The following RTL9 variants were observed in gnomAD, a reference collection of about 807,000 sequenced individuals.
RTL9 encodes the protein retrotransposon Gag-like protein 9.
RTL9 carries 19 observed loss-of-function variants against 44.7 expected under a neutral mutation model. The ratio of observed to expected loss-of-function variants is 0.42; its 90% CI spans 0.30 to 0.62. The LOEUF is 0.62. RTL9 is among the 20% of genes least tolerant of loss of function. RTL9 has a pLI of 0.16. For synonymous variants in RTL9, 407 were observed against 398.9 expected (o/e 1.02, Z -0.24); for missense variants, 1,105 against 1,080.6 (o/e 1.02, Z -0.32).
At chrX:110,408,077 C>T (rs2068615327) in intron 1 of RTL9, among the ~76,000 whole-genome samples, 1 of 112,666 alleles carries the variant, frequency 8.9e-6, no homozygotes, top group South Asian at 3.7e-4. Context: ...GTGGGGCACC[C>T]AAAGAGAGTG....
At chrX:110,417,858 C>T (rs1163689102), upstream of RTL9, among the ~76,000 whole-genome samples, 1 of 112,453 alleles carries the variant, frequency 8.9e-6, no homozygotes, top group Non-Finnish European at 1.9e-5. Context: ...GAAGAGAAAA[C>T]GGAGGTAGCC....
intron 1 of RTL9, among the ~76,000 whole-genome samples, chrX:110,405,639 G>A (rs1158705335): frequency 8.9e-6 from 1 of 111,860 alleles, no homozygotes; most frequent in East Asian, 2.8e-4. Flanking sequence ...CATTAACTGT[G>A]TGGTAGGCTC....
intron 1 of RTL9, among the ~76,000 whole-genome samples, chrX:110,391,047 C>G (rs2068490708): frequency 8.9e-6 from 1 of 111,833 alleles, no homozygotes; most frequent in South Asian, 3.8e-4. Context: ...AGCTCTTTCT[C>G]TTTGCCTGTT....
exon 1 of RTL9, chrX:110,452,480 C>T: frequency 8.3e-7 from 1 of 1,211,710 alleles, no homozygotes; most frequent in South Asian, 1.8e-5. Context: ...TAATGACACC[C>T]AAAGCCTCAG....
rs771997154 is a variant in RTL9, at chrX:110,453,951, A to G, written c.3334A>G (p.Ile1112Val). Residue 1112 changes from isoleucine to valine, a missense_variant, in exon 1 of 2, where the codon ATC (isoleucine) becomes GTC (valine). By Grantham distance (29) the Ile-to-Val change is conservative. Transcript: ENST00000540313. ...AGAGGCATCCACCTCTCACATTAAC[A>G]TCACAGCCTCTGGATCAAAGCCCAC... is the stretch of plus-strand genomic sequence containing the variant. 5.8e-6 allele frequency: 7 copies of G among 1,211,618 alleles called. 1 individual carries two copies. Among genetic ancestry groups the G allele is most frequent in the Non-Finnish European group, 7.8e-6 (7 of 895,474 alleles).
rs768862278 is a variant in RTL9 at position 110,453,646 on chromosome X, T to C, written c.3029T>C (p.Val1010Ala). The C allele has an allele frequency of 4.1e-6, 5 of 1,210,519 alleles. No homozygotes were observed. The African/African-American group carries it at 8.7e-5, about 21-fold the overall frequency. ...TCCTTGTCACAAACAACATATACCG[T>C]GTCTGGAAGGATGGCCACAGCGCCA... is the stretch of plus-strand genomic sequence containing the variant. Residue 1010 changes from valine to alanine, a missense_variant, in exon 1 of 2, where the codon GTG becomes GCG. Transcript: ENST00000540313.
chrX:110,416,335 T>C (rs756870137), upstream of RTL9, among the ~76,000 whole-genome samples: 3 of 112,308 alleles, frequency 2.7e-5, no homozygotes, highest in African/African-American at 9.7e-5. Flanking sequence ...TTATTTTGAT[T>C]TAACGAACCG....
At chrX:110,361,955 C>A (rs973624445) in intron 1 of RTL9, among the ~76,000 whole-genome samples, 1 of 111,589 alleles carries the variant, frequency 9.0e-6, no homozygotes, top group African/African-American at 3.3e-5. Context: ...AAACAGGGAG[C>A]GGGCTAGATT....
At chrX:110,369,638 C>A (rs1004592257) in intron 1 of RTL9, among the ~76,000 whole-genome samples, 1 of 111,492 alleles carries the variant, frequency 9.0e-6, no homozygotes, top group Admixed American at 9.5e-5. Flanking sequence ...TCTCCCTCTG[C>A]CCCCAGCCAC....
intron 1 of RTL9, among the ~76,000 whole-genome samples, chrX:110,365,343 C>T (rs1182192381): frequency 8.9e-6 from 1 of 112,159 alleles, no homozygotes; most frequent in East Asian, 2.8e-4. Flanking sequence ...TGAAATCAGG[C>T]TTCCATGACG....
At chrX:110,373,249 T>C (rs2068351820) in intron 1 of RTL9, among the ~76,000 whole-genome samples, 1 of 111,869 alleles carries the variant, frequency 8.9e-6, no homozygotes, top group Non-Finnish European at 1.9e-5. Flanking sequence ...ACAAACAGGA[T>C]GTAGGTCATC....
intron 1 of RTL9, among the ~76,000 whole-genome samples, chrX:110,404,655 C>T (rs940992809): frequency 1.8e-5 from 2 of 111,435 alleles, no homozygotes; most frequent in Non-Finnish European, 3.8e-5. Context: ...TTGGGAGAAC[C>T]GGCCTTGTTT....
chrX:110,426,554 TC>T (rs2068755590), intron 1 of RTL9: 1 of 112,381 alleles, frequency 8.9e-6, no homozygotes, highest in African/African-American at 3.2e-5. Context: ...AGATATGAAT[TC>T]CTTACCTATG....
intron 1 of RTL9, among the ~76,000 whole-genome samples, chrX:110,411,872 A>T (rs916597935): frequency 8.9e-6 from 1 of 112,616 alleles, no homozygotes; most frequent in African/African-American, 3.2e-5. Flanking sequence ...CTTACTCACT[A>T]TTATATTTCT....
At chrX:110,443,240 A>T (rs2068892184) in intron 1 of RTL9, among the ~76,000 whole-genome samples, 1 of 111,612 alleles carries the variant, frequency 9.0e-6, no homozygotes, top group Admixed American at 9.5e-5. Flanking sequence ...TGAAGTTAAA[A>T]TGAGAGTGTA....
At chrX:110,454,737 C>T in intron 1 of RTL9, 73 bp downstream of exon 3, 1 of 920,603 alleles carries the variant, frequency 1.1e-6, no homozygotes, top group Non-Finnish European at 1.5e-6. Flanking sequence ...ATACATCCTG[C>T]TTCCTTGAGT....
At chrX:110,403,589 A>T (rs2068579327) in intron 1 of RTL9, among the ~76,000 whole-genome samples, 1 of 111,527 alleles carries the variant, frequency 9.0e-6, no homozygotes, top group African/African-American at 3.3e-5. Flanking sequence ...GCTCCCTGTC[A>T]TTCCCAGGTC....
At position 110,426,801 on chromosome X, in the gene RTL9, G is replaced by A. The variant is rs772364548; in HGVS notation, c.-168+7666G>A. 2.9e-4 allele frequency: 32 copies of A among 111,843 alleles called. 1 individual carries two copies. Among genetic ancestry groups the A allele is most frequent in the African/African-American group, 1.0e-3 (32 of 30,758 alleles). The allele number at this position is 111,843 out of a possible 1,213,427, so 9.2% of individuals were successfully genotyped here. On this transcript the variant is annotated intron_variant, in intron 1 of 3. Coordinates refer to the RTL9 transcript ENST00000465301. ...ATTAGGGTCAAGGTGAGGACTCATG[G>A]TGCTGAAAATAGGGATTGAGTGGAC...
At chrX:110,422,628 C>T (rs1420179368) in intron 1 of RTL9, among the ~76,000 whole-genome samples, 7 of 112,492 alleles carry the variant, frequency 6.2e-5, no homozygotes, top group Middle Eastern at 4.6e-3. Context: ...CAAATTTCCT[C>T]GCAGCAGCTA....
Sources: allele counts gnomAD v4.1 joint callset (sites outside exome capture counted in the v4.1 genomes callset), GRCh38; gene constraint gnomAD v4.1.1; transcripts MANE v1.5; gene names NCBI Gene and HGNC (gene_info 2026-07-23, HGNC 2026-07-21).